The following GPHN variants were observed in gnomAD, a reference collection of about 807,000 sequenced individuals.
GPHN encodes gephyrin.
In GPHN, 17 loss-of-function variants were observed where a neutral mutation model predicts 95.5. The observed-to-expected ratio is 0.18, with a 90% CI of 0.12 to 0.27. The LOEUF is 0.27. Among genes scored for constraint, GPHN ranks in the 10% least tolerant of loss-of-function variants. The pLI is 1.00. For missense variants in GPHN, 660 were observed against 978.1 expected (o/e 0.67, Z 4.34); for synonymous variants, 320 against 322.5 (o/e 0.99, Z 0.08).
intron 3 of GPHN, among the ~76,000 whole-genome samples, chr14:66,818,139 A>G (rs2061051454): frequency 6.6e-6 from 1 of 152,140 alleles, no homozygotes; most frequent in African/African-American, 2.4e-5. Flanking sequence ...GTACATGTGT[A>G]GAATGTGTAG....
intron 1 of GPHN, among the ~76,000 whole-genome samples, chr14:66,532,811 C>T (rs1164548918): frequency 6.6e-6 from 1 of 152,186 alleles, no homozygotes; most frequent in African/African-American, 2.4e-5. Flanking sequence ...ACAAACTTCC[C>T]TTCTCCACTT....
intron 12 of GPHN, among the ~76,000 whole-genome samples, chr14:67,091,094 C>T (rs1346850200): frequency 1.3e-5 from 2 of 151,828 alleles, no homozygotes; most frequent in African/African-American, 4.8e-5. Context: ...AATTGCTACT[C>T]TCATTTTCTG....
chr14:66,697,663 C>CTTTTTTTTTTTTTT (rs762556511), intron 2 of GPHN, among the ~76,000 whole-genome samples: 1 of 136,312 alleles, frequency 7.3e-6, no homozygotes. Context: ...TGCTACTTGC[C>CTTTTTTTTTTTTTT]TTTTTTTTTT....
intron 2 of GPHN, among the ~76,000 whole-genome samples, chr14:66,725,258 G>A (rs2071118062): frequency 6.6e-6 from 1 of 152,130 alleles, no homozygotes; most frequent in Non-Finnish European, 1.5e-5. Context: ...AGCCCTACCT[G>A]ATTAACACAT....
chr14:67,423,415 C>T, the GPHN span, among the ~76,000 whole-genome samples: 617 of 152,256 alleles, frequency 4.1e-3, 33 homozygotes, highest in East Asian at 0.098. Context: ...TCTGCTTCCC[C>T]AGTCCCTGGC....
the GPHN span, among the ~76,000 whole-genome samples, chr14:67,502,734 G>A: frequency 1.3e-5 from 2 of 152,124 alleles, no homozygotes; most frequent in African/African-American, 2.4e-5. Context: ...TTATAGGCGT[G>A]AGCCACCGCG....
intron 9 of GPHN, among the ~76,000 whole-genome samples, chr14:66,991,200 A>G (rs1458473852): frequency 6.6e-6 from 1 of 152,114 alleles, no homozygotes; most frequent in Non-Finnish European, 1.5e-5. Context: ...TTCAAAGCAG[A>G]AGTATTTTGA....
the GPHN span, chr14:67,653,326 A>C: frequency 1.2e-6 from 1 of 817,062 alleles, no homozygotes; most frequent in African/African-American, 1.7e-5. Flanking sequence ...TACAGGGACT[A>C]TGCGTCAACT....
the GPHN span, among the ~76,000 whole-genome samples, chr14:67,724,301 T>C: frequency 6.6e-6 from 1 of 152,158 alleles, no homozygotes; most frequent in African/African-American, 2.4e-5. Flanking sequence ...GCGACTACCT[T>C]GCCCCATGGA....
At chr14:67,393,527 A>G in the GPHN span, among the ~76,000 whole-genome samples, 4 of 151,878 alleles carry the variant, frequency 2.6e-5, no homozygotes, top group African/African-American at 2.4e-5. Context: ...GATCTCGGCT[A>G]ACTGTGACCT....
At chr14:67,244,006 A>G in the GPHN span, among the ~76,000 whole-genome samples, 1 of 152,328 alleles carries the variant, frequency 6.6e-6, no homozygotes, top group South Asian at 2.1e-4. Context: ...AAGTCTCCAT[A>G]TTCTAAATTC....
At chr14:66,711,096 C>T (rs189756280) in intron 2 of GPHN, among the ~76,000 whole-genome samples, 134 of 152,110 alleles carry the variant, frequency 8.8e-4, no homozygotes, top group Non-Finnish European at 6.2e-4. Flanking sequence ...TGTTTGGTTA[C>T]GTGAGTAAGT....
intron 4 of GPHN, among the ~76,000 whole-genome samples, chr14:66,863,455 A>C (rs2063110541): frequency 6.6e-6 from 1 of 152,162 alleles, no homozygotes; most frequent in Non-Finnish European, 1.5e-5. Context: ...TCTTCACAGA[A>C]AGAGAAAAAA....
At chr14:66,630,783 A>G (rs1292419996) in intron 1 of GPHN, among the ~76,000 whole-genome samples, 1 of 151,868 alleles carries the variant, frequency 6.6e-6, no homozygotes, top group Non-Finnish European at 1.5e-5. Flanking sequence ...TCAGAATCCT[A>G]TTTTAACTTA....
chr14:67,515,463 G>A, the GPHN span: 1 of 169,226 alleles, frequency 5.9e-6, no homozygotes, highest in Non-Finnish European at 1.2e-5. Context: ...CGGATGCGCT[G>A]CAAACTGCAC....
At chr14:66,878,907 C>T (rs551857757) in intron 4 of GPHN, among the ~76,000 whole-genome samples, 9 of 152,226 alleles carry the variant, frequency 5.9e-5, no homozygotes, top group Admixed American at 3.9e-4. Context: ...CACATGCACA[C>T]ATATGTTTAT....
At chr14:66,906,012 A>G (rs1596332588) in intron 5 of GPHN, among the ~76,000 whole-genome samples, 1 of 128,270 alleles carries the variant, frequency 7.8e-6, no homozygotes, top group African/African-American at 3.0e-5. Context: ...TTTTTTTACC[A>G]CTTCCCCATT....
intron 3 of GPHN, among the ~76,000 whole-genome samples, chr14:66,782,643 C>A (rs1214232786): frequency 6.6e-6 from 1 of 152,074 alleles, no homozygotes; most frequent in Non-Finnish European, 1.5e-5. Context: ...TACGGTGGAA[C>A]CCTGTCTCTA....
chr14:67,394,349 TCGAGC>T, the GPHN span, among the ~76,000 whole-genome samples: 1 of 151,826 alleles, frequency 6.6e-6, no homozygotes, highest in Non-Finnish European at 1.5e-5. Flanking sequence ...TGAGCCATGA[TCGAGC>T]CACTGCACTC....
Sources: gnomAD v4.1 joint callset for allele counts (sites outside exome capture counted in the v4.1 genomes callset) on GRCh38, gnomAD v4.1.1 for gene constraint, MANE v1.5 for transcripts, NCBI Gene and HGNC (gene_info 2026-07-23, HGNC 2026-07-21) for gene names.